STXBP3: variants seen among roughly 807,000 people sequenced by gnomAD.
The protein encoded by STXBP3 is syntaxin-binding protein 3.
A neutral mutation model predicts 85.7 loss-of-function variants in STXBP3; 41 were observed. The ratio of observed to expected loss-of-function variants is 0.48; its 90% CI spans 0.37 to 0.62. The LOEUF is 0.62. STXBP3 is among the 20% of genes least tolerant of loss of function. The pLI is 0.00. For synonymous variants in STXBP3, 229 were observed against 231.7 expected, an observed-to-expected ratio of 0.99 and a Z score of 0.10; for missense variants, 563 against 703.1, an observed-to-expected ratio of 0.80 and a Z score of 2.25.
At chr1:108,760,672 A>G (rs977586984) in intron 6 of STXBP3, among the ~76,000 whole-genome samples, 1 of 152,156 alleles carries the variant, frequency 6.6e-6, no homozygotes, top group Non-Finnish European at 1.5e-5. Flanking sequence ...GTACTTCTCC[A>G]TTTTGAAGAT....
At chr1:108,794,094 A>T (rs577704917) in intron 12 of STXBP3, among the ~76,000 whole-genome samples, 159 of 152,354 alleles carry the variant, frequency 1.0e-3, no homozygotes, top group Non-Finnish European at 1.6e-3. Flanking sequence ...CACCCTAGTC[A>T]ACCAATGATT....
chr1:108,794,690 G>GC (rs1663052392), intron 12 of STXBP3, 137 bp from the exon 13 acceptor site: 1 of 662,368 alleles, frequency 1.5e-6, no homozygotes, highest in Admixed American at 2.7e-5. Context: ...CCTTTCTTGA[G>GC]CTGTTCCCTT....
chr1:108,783,726 A>G (rs530998952), intron 11 of STXBP3, among the ~76,000 whole-genome samples: 183 of 152,348 alleles, frequency 1.2e-3, no homozygotes, highest in African/African-American at 4.0e-3. Context: ...TAGCTTTAAT[A>G]GGTAATGCCA....
At chr1:108,758,120 C>T (rs6664285) in intron 4 of STXBP3, among the ~76,000 whole-genome samples, 107,051 of 151,842 alleles carry the variant, frequency 0.71, 38,711 homozygotes, top group Non-Finnish European at 0.77. Flanking sequence ...CTTGGTGGTT[C>T]GTTATCCATG....
intron 10 of STXBP3, 60 bp from the exon 11 acceptor site, chr1:108,782,587 TAA>T: frequency 6.3e-7 from 1 of 1,599,120 alleles, no homozygotes; most frequent in East Asian, 2.2e-5. Context: ...TTTGTAACCT[TAA>T]AATAGTTCTG....
intron 5 of STXBP3, 43 bp from the exon 6 acceptor site, chr1:108,759,942 A>C: frequency 8.2e-7 from 1 of 1,216,552 alleles, no homozygotes; most frequent in South Asian, 1.4e-5. Context: ...AAAAGGAATA[A>C]AATCTAGATG....
intron 4 of STXBP3, among the ~76,000 whole-genome samples, chr1:108,757,904 A>AT (rs1210989518): frequency 1.3e-5 from 2 of 152,104 alleles, no homozygotes; most frequent in Non-Finnish European, 2.9e-5. Flanking sequence ...ATGAAAACCC[A>AT]TGTGGCCATT....
intron 11 of STXBP3, 84 bp from the exon 12 acceptor site, chr1:108,793,498 T>C (rs540080119): frequency 8.3e-7 from 1 of 1,211,498 alleles, no homozygotes; most frequent in Non-Finnish European, 1.2e-6. Context: ...GATTTGATAA[T>C]TTGTAAAACT....
At chr1:108,762,783 A>G (rs1479565990) in intron 6 of STXBP3, among the ~76,000 whole-genome samples, 3 of 152,218 alleles carry the variant, frequency 2.0e-5, no homozygotes, top group African/African-American at 7.2e-5. Flanking sequence ...AATGAATGTG[A>G]CACTGCTTAT....
At chr1:108,793,157 A>ATTTTTTTTTTTTTT (rs745652259) in intron 11 of STXBP3, among the ~76,000 whole-genome samples, 1 of 67,502 alleles carries the variant, frequency 1.5e-5, no homozygotes, top group Non-Finnish European at 2.7e-5. Flanking sequence ...TCTTATCTCC[A>ATTTTTTTTTTTTTT]TTTTTTTTTT....
At chr1:108,803,105 CTTTTG>C (rs1262138393) in intron 17 of STXBP3, among the ~76,000 whole-genome samples, 1 of 152,104 alleles carries the variant, frequency 6.6e-6, no homozygotes, top group Non-Finnish European at 1.5e-5. Context: ...CTTTTCTTTA[CTTTTG>C]TTTTATTTTT....
At chr1:108,790,200 A>G (rs1007363071) in intron 11 of STXBP3, among the ~76,000 whole-genome samples, 4 of 151,976 alleles carry the variant, frequency 2.6e-5, no homozygotes, top group African/African-American at 9.7e-5. Context: ...CATGACTGTG[A>G]ATTAGTTTGT....
chr1:108,763,813 C>T (rs1557802751), intron 6 of STXBP3, among the ~76,000 whole-genome samples: 1 of 151,802 alleles, frequency 6.6e-6, no homozygotes, highest in Non-Finnish European at 1.5e-5. Context: ...AACTCCCGAC[C>T]TCAAGTGATC....
chr1:108,759,978 C>G lies in STXBP3; in HGVS notation c.338-7C>G, dbSNP rs1300475968. On this transcript the variant is annotated splice_polypyrimidine_tract_variant and splice_region_variant and intron_variant, in intron 5 of 18. Coordinates refer to ENST00000370008, the MANE Select transcript of STXBP3 (RefSeq NM_007269.4). ...TAACTATATGCTTTGTTTTTTTTTC[C>G]CCTCAGTTTGCCCTGATAATCTCTT... 16 of 1,516,646 alleles carry G rather than the reference C, an allele frequency of 1.1e-5. No homozygotes were observed. The highest frequency in any genetic ancestry group is 1.4e-5 in the Non-Finnish European group (16 of 1,126,190). 93.9% of individuals were successfully genotyped at this position (1,516,646 alleles called of 1,614,324 possible).
intron 6 of STXBP3, among the ~76,000 whole-genome samples, chr1:108,766,368 T>C (rs914218253): frequency 6.6e-6 from 1 of 152,234 alleles, no homozygotes; most frequent in Non-Finnish European, 1.5e-5. Flanking sequence ...GCATGTGACT[T>C]AGTACTTATT....
intron 2 of STXBP3, 94 bp from the exon 3 acceptor site, chr1:108,752,969 A>G (rs1661935499): frequency 2.2e-6 from 2 of 906,248 alleles, no homozygotes; most frequent in East Asian, 5.7e-5. Context: ...ATTTTGTGTT[A>G]TAAAAGGCTT....
At chr1:108,808,169 T>A (rs1285083186) in intron 18 of STXBP3, among the ~76,000 whole-genome samples, 1 of 152,190 alleles carries the variant, frequency 6.6e-6, no homozygotes, top group Non-Finnish European at 1.5e-5. Flanking sequence ...TATTTTGAAT[T>A]TTTTGTGGAT....
At chr1:108,758,956 T>A (rs1662073851) in intron 5 of STXBP3, 1 of 153,074 alleles carries the variant, frequency 6.5e-6, no homozygotes, top group East Asian at 1.9e-4. Context: ...AGTTAGGGAT[T>A]TGATTCTCTT....
intron 16 of STXBP3, among the ~76,000 whole-genome samples, chr1:108,799,523 T>C (rs997775219): frequency 6.6e-6 from 1 of 152,158 alleles, no homozygotes; most frequent in Non-Finnish European, 1.5e-5. Flanking sequence ...TCCTCCCTTC[T>C]TGCAGTCTTA....
Sources: allele counts gnomAD v4.1 joint callset (sites outside exome capture counted in the v4.1 genomes callset), GRCh38; gene constraint gnomAD v4.1.1; transcripts MANE v1.5; gene names NCBI Gene and HGNC (gene_info 2026-07-23, HGNC 2026-07-21).